STARD9: variants seen among roughly 807,000 people sequenced by gnomAD.
STARD9 encodes stAR-related lipid transfer protein 9.
A neutral mutation model predicts 399.8 loss-of-function variants in STARD9; 346 were observed. The ratio of observed to expected loss-of-function variants is 0.87; its 90% CI spans 0.79 to 0.95. The LOEUF (loss-of-function observed/expected upper bound fraction) is 0.95, where lower values mean the gene tolerates loss of function less well. Among genes scored for constraint, STARD9 ranks in the 40% least tolerant of loss-of-function variants. STARD9 has a pLI of 0.00. For missense variants in STARD9, 5,832 were observed against 5,667.5 expected (o/e 1.03, Z -0.93); for synonymous variants, 2,203 against 2,143.5 (o/e 1.03, Z -0.77).
chr15:42,686,941 C>T lies in STARD9; in HGVS notation c.5363C>T (p.Ala1788Val), dbSNP rs1410850197. The change falls in exon 23 of 33, where the codon GCT becomes GTT. Residue 1788 changes from alanine (A) to valine (V), a missense_variant. Physicochemically the swap from Ala to Val is moderately conservative, Grantham distance 64 (BLOSUM62 0). Coordinates refer to ENST00000290607, the MANE Select transcript of STARD9 (RefSeq NM_020759.3). ...EAWGFGHNHQALQGAYLKNNL... is the reference protein window; with the variant it reads ...EAWGFGHNHQVLQGAYLKNNL... ...TGGGGCTTTGGTCACAACCACCAAG[C>T]TCTCCAAGGTGCTTATTTGAAGAAT... 6.5e-7 allele frequency: 1 copy of T among 1,536,410 alleles called. No individual in the cohort carries two copies. The highest frequency in any genetic ancestry group is 8.7e-7 in the Non-Finnish European group (1 of 1,146,798).
intron 7 of STARD9, among the ~76,000 whole-genome samples, chr15:42,642,671 G>T (rs1172520346): frequency 6.6e-6 from 1 of 152,136 alleles, no homozygotes; most frequent in Non-Finnish European, 1.5e-5. Flanking sequence ...AATAAAAGTG[G>T]TGACAGTCTT....
chr15:42,605,148 G>A (rs1180967837), intron 3 of STARD9, among the ~76,000 whole-genome samples: 4 of 152,100 alleles, frequency 2.6e-5, no homozygotes, highest in African/African-American at 9.7e-5. Flanking sequence ...TATTCTGGAT[G>A]CCATTTAATC....
intron 3 of STARD9, among the ~76,000 whole-genome samples, chr15:42,596,076 T>G (rs1354363528): frequency 6.6e-6 from 1 of 152,214 alleles, no homozygotes; most frequent in African/African-American, 2.4e-5. Flanking sequence ...GAGAAATCTT[T>G]TAAAATGCCA....
At chr15:42,701,864 T>C (rs1014808622) in intron 26 of STARD9, among the ~76,000 whole-genome samples, 1 of 151,652 alleles carries the variant, frequency 6.6e-6, no homozygotes, top group Non-Finnish European at 1.5e-5. Flanking sequence ...CGTGGCAGCA[T>C]GCACCTGTAA....
At position 42,720,856 on chromosome 15, in the gene STARD9, T is replaced by G. The variant is rs540751635; in HGVS notation, c.*1282T>G. 2 of 152,334 alleles carry G rather than the reference T, an allele frequency of 1.3e-5. No homozygotes were observed. Among genetic ancestry groups the G allele is most frequent in the Admixed American group, 6.5e-5 (1 of 15,304 alleles). The allele number at this position is 152,334 out of a possible 1,614,324, so 9.4% of individuals were successfully genotyped here. A position where few individuals can be genotyped will look rare whatever the true frequency, so the allele number is the denominator to read the frequency against. ...GGTTTTTTAAAATTGCTTTTAAACT[T>G]CTATTTCTCGGGTAAATTTTTTGGT... On this transcript the variant is annotated 3_prime_UTR_variant, in exon 33 of 33. Transcript: ENST00000290607.
rs1209122860 is a variant in STARD9 at position 42,669,214 on chromosome 15, G to A, written c.1374G>A (p.Met458Ile). The change falls in exon 16 of 33, where the codon ATG becomes ATA. Residue 458 changes from methionine to isoleucine, a missense_variant. Coordinates refer to ENST00000290607, the MANE Select transcript of STARD9 (RefSeq NM_020759.3). Reference protein sequence around the residue: ...TQKWNDWQALMEHYSVDINRR... With the variant: ...TQKWNDWQALIEHYSVDINRR... ...AGTGGAATGATTGGCAGGCCCTCAT[G>A]GAGCATTACAGTGTGGACATCAACA... is the stretch of plus-strand genomic sequence containing the variant. 6.5e-6 allele frequency: 10 copies of A among 1,536,734 alleles called. No individual in the cohort carries two copies. In the Admixed American group the frequency reaches 2.0e-4, roughly 30 times the overall value.
chr15:42,715,901 A>T (rs541090130), intron 26 of STARD9, among the ~76,000 whole-genome samples: 3 of 152,270 alleles, frequency 2.0e-5, no homozygotes, highest in African/African-American at 7.2e-5. Context: ...GAGACTGGTG[A>T]TCAGTAGTGA....
intron 3 of STARD9, among the ~76,000 whole-genome samples, chr15:42,588,718 T>G (rs938103011): frequency 4.8e-5 from 7 of 146,622 alleles, no homozygotes; most frequent in Non-Finnish European, 8.9e-5. Flanking sequence ...ATCTATACAA[T>G]CTTAGGACTT....
chr15:42,591,663 A>G (rs893849684), intron 3 of STARD9, among the ~76,000 whole-genome samples: 2 of 152,094 alleles, frequency 1.3e-5, no homozygotes, highest in Non-Finnish European at 2.9e-5. Context: ...CTGTCTTTTT[A>G]TATTTACAGC....
chr15:42,615,262 G>A (rs531677398), intron 3 of STARD9, among the ~76,000 whole-genome samples: 1 of 152,070 alleles, frequency 6.6e-6, no homozygotes, highest in South Asian at 2.1e-4. Context: ...CGATGCCTCC[G>A]CCTCCCAAAG....
chr15:42,592,562 C>A (rs542480757), intron 3 of STARD9, among the ~76,000 whole-genome samples: 1 of 151,972 alleles, frequency 6.6e-6, no homozygotes, highest in Non-Finnish European at 1.5e-5. Context: ...CTCCTGCCTC[C>A]GCCTCCCGAG....
intron 11 of STARD9, 104 bp downstream of exon 11, chr15:42,662,995 T>A (rs1193705150): frequency 9.9e-6 from 9 of 907,310 alleles, no homozygotes; most frequent in Non-Finnish European, 1.5e-5. Context: ...TTGATAAGGT[T>A]ACCTTCTGGT....
chr15:42,689,360 T>G lies in STARD9; in HGVS notation c.7782T>G (p.Pro2594=). 1 of 1,537,276 alleles carries G rather than the reference T, an allele frequency of 6.5e-7. No individual in the cohort carries two copies. The highest frequency in any genetic ancestry group is 8.7e-7 in the Non-Finnish European group (1 of 1,146,908). The change falls in exon 23 of 33, where the codon CCT becomes CCG. Residue 2594 remains proline, a synonymous_variant. Coordinates refer to ENST00000290607, the MANE Select transcript of STARD9 (RefSeq NM_020759.3). The part of the protein sequence containing the change: ...PECSSRVAGR[P]QCKQIDQSSS... ...GTTCTTCAAGGGTTGCTGGCAGGCC[T>G]CAGTGTAAACAAATAGACCAGTCAT...
intron 3 of STARD9, among the ~76,000 whole-genome samples, chr15:42,620,726 C>CATTTTATTTT (rs1289189860): frequency 0.025 from 3,319 of 130,242 alleles, 125 homozygotes; most frequent in African/African-American, 0.081. Context: ...GTAGAATGTC[C>CATTTTATTTT]CTTTTATTTT....
intron 24 of STARD9, 102 bp from the exon 25 acceptor site, chr15:42,695,038 T>TA: frequency 1.0e-6 from 1 of 976,630 alleles, no homozygotes; most frequent in Non-Finnish European, 1.5e-6. Flanking sequence ...AAATGGAGGT[T>TA]GGGTCTTTTA....
chr15:42,594,088 A>C (rs545599183), intron 3 of STARD9, among the ~76,000 whole-genome samples: 7 of 151,822 alleles, frequency 4.6e-5, no homozygotes, highest in Admixed American at 1.3e-4. Context: ...TGAGAGTGAG[A>C]GAGACAGACA....
At chr15:42,703,586 G>A (rs1349618681) in intron 26 of STARD9, among the ~76,000 whole-genome samples, 1 of 147,886 alleles carries the variant, frequency 6.8e-6, no homozygotes, top group Non-Finnish European at 1.5e-5. Flanking sequence ...TGTTGGTCAC[G>A]CTGGTCTTGA....
intron 3 of STARD9, among the ~76,000 whole-genome samples, chr15:42,610,655 T>C (rs2058829736): frequency 1.3e-5 from 2 of 152,214 alleles, no homozygotes; most frequent in Admixed American, 1.3e-4. Context: ...TTCAAGCTTC[T>C]CCTGCCTCAG....
chr15:42,697,566 A>G (rs563535732), intron 26 of STARD9, among the ~76,000 whole-genome samples: 2 of 152,302 alleles, frequency 1.3e-5, no homozygotes, highest in African/African-American at 4.8e-5. Context: ...AAATACTCCA[A>G]AGTCTAAAAC....
Sources: allele counts gnomAD v4.1 joint callset (sites outside exome capture counted in the v4.1 genomes callset), GRCh38; gene constraint gnomAD v4.1.1; transcripts MANE v1.5; gene names NCBI Gene and HGNC (gene_info 2026-07-23, HGNC 2026-07-21).